RNF222: variants seen among roughly 807,000 people sequenced by gnomAD.
RNF222 encodes the protein RING finger protein LOC643904.
In RNF222, 14 loss-of-function variants were observed where a neutral mutation model predicts 10.8. That is an observed-to-expected ratio of 1.30 (90% CI 0.86 to 2.03). The LOEUF is 2.03. Among genes scored for constraint, RNF222 ranks in the 30% most tolerant of loss-of-function variants. The pLI, the probability that RNF222 is intolerant of heterozygous loss-of-function variation, is 0.00. For synonymous variants in RNF222, 141 were observed against 142.5 expected (o/e 0.99, Z 0.07); for missense variants, 298 against 295.8 (o/e 1.01, Z -0.06).
In RNF222 at chr17:8,392,937, C is replaced by T. The variant is rs745331248; in HGVS notation, c.525G>A (p.Ser175=). The T allele has an allele frequency of 6.7e-5, 102 of 1,528,068 alleles. 1 individual carries two copies. In the Middle Eastern group the frequency reaches 4.7e-3, roughly 70 times the overall value. 94.7% of individuals were successfully genotyped at this position (1,528,068 alleles called of 1,614,324 possible). The part of the protein sequence containing the change: ...VLPRRSLAEL[S]EASLAPRSAR... ...CGGAGCGGGGCGCCAGGGAGGCCTC[C>T]GAGAGCTCTGCCAGGCTGCGGCGGG... Residue 175 remains serine (S), a synonymous_variant, in exon 3 of 3, where the codon TCG becomes TCA. Coordinates refer to ENST00000399398, the MANE Select transcript of RNF222 (RefSeq NM_001146684.3). This position sits in a 1 kb window ranked among gnomAD's most constrained non-coding sequence, Gnocchi z 4.3.
At chr17:8,396,360 G>GT (rs1173012176) in intron 1 of RNF222, among the ~76,000 whole-genome samples, 6 of 152,114 alleles carry the variant, frequency 3.9e-5, no homozygotes, top group African/African-American at 1.4e-4. Flanking sequence ...GGGTGAGTAG[G>GT]TATTAGCCAA....
chr17:8,395,571 C>T (rs1169392798), intron 1 of RNF222, among the ~76,000 whole-genome samples: 3 of 152,276 alleles, frequency 2.0e-5, no homozygotes, highest in East Asian at 3.9e-4. Flanking sequence ...GAGGCAGCCA[C>T]AGCATTTGCC....
intron 1 of RNF222, among the ~76,000 whole-genome samples, chr17:8,395,248 C>CT (rs1254577823): frequency 1.3e-5 from 2 of 152,210 alleles, no homozygotes; most frequent in African/African-American, 4.8e-5. Flanking sequence ...TAGCTTTGGT[C>CT]TTTGAGATGG....
intron 1 of RNF222, among the ~76,000 whole-genome samples, chr17:8,395,940 C>T (rs912387523): frequency 6.6e-6 from 1 of 152,162 alleles, no homozygotes; most frequent in Non-Finnish European, 1.5e-5. Flanking sequence ...AATTATTCGA[C>T]ACATATTTAT....
intron 1 of RNF222, among the ~76,000 whole-genome samples, chr17:8,396,667 G>A (rs1254252204): frequency 1.3e-5 from 2 of 151,940 alleles, no homozygotes; most frequent in Non-Finnish European, 2.9e-5. Flanking sequence ...CCCCCGTCCC[G>A]TGCTTCCGGA....
intron 1 of RNF222, among the ~76,000 whole-genome samples, chr17:8,397,491 C>T (rs1432736990): frequency 6.6e-6 from 1 of 152,192 alleles, no homozygotes; most frequent in African/African-American, 2.4e-5. Context: ...TTCCAGGCAC[C>T]TGGGATTCCC....
rs756924008 is a variant in RNF222, at chr17:8,393,170, G to A, written c.292C>T (p.Pro98Ser). 1.9e-6 allele frequency: 3 copies of A among 1,549,984 alleles called. No homozygotes were observed. Among genetic ancestry groups the A allele is most frequent in the African/African-American group, 2.7e-5 (2 of 73,170 alleles). The change falls in exon 3 of 3, where the codon CCC becomes TCC. Residue 98 changes from proline (P) to serine (S), a missense_variant. By Grantham distance (74) the Pro-to-Ser change is moderately conservative. Coordinates refer to ENST00000399398, the MANE Select transcript of RNF222 (RefSeq NM_001146684.3). ...LAVPVGLPSV[P>S]PLDSLGHTNP... Reference sequence around the variant, plus strand: ...GTGTGGCCCAGGCTGTCCAGTGGGGGCACGGAGGGCAGGCCCACGGGCACA... The same window carrying A: ...GTGTGGCCCAGGCTGTCCAGTGGGGACACGGAGGGCAGGCCCACGGGCACA...
Position 8,393,431 on chromosome 17 carries a change from C to T in RNF222, c.31G>A (p.Gly11Ser). 8 of 1,551,084 alleles carry T rather than the reference C, an allele frequency of 5.2e-6. No homozygotes were observed. Among genetic ancestry groups the T allele is most frequent in the South Asian group, 1.2e-5 (1 of 83,972 alleles). Reference protein sequence around the residue: MSEGESKDSSGSECPVCYEKF... With the variant: MSEGESKDSSSSECPVCYEKF... The stretch of plus-strand genomic sequence containing the variant: ...TCATAGCACACGGGGCACTCACTGC[C>T]CGAGCTGTCCTTGCTCTCCCCTTCT... The change falls in exon 3 of 3, where the codon GGC (glycine) becomes AGC (serine). Residue 11 changes from glycine (G) to serine (S), a missense_variant. By Grantham distance (56) the Gly-to-Ser change is moderately conservative. Transcript: ENST00000399398.
chr17:8,392,885 C>T lies in RNF222; in HGVS notation c.577G>A (p.Ala193Thr). Residue 193 changes from alanine (A) to threonine (T), a missense_variant, in exon 3 of 3, where the codon GCC (alanine) becomes ACC (threonine). Ala to Thr is a moderately conservative substitution (Grantham distance 58). Transcript: ENST00000399398. The surrounding 1 kb of genome is among the most constrained non-coding windows in gnomAD (Gnocchi z 4.3). The stretch of plus-strand genomic sequence containing the variant: ...GCGATGAGCGTGATGAGCAGCAGGG[C>T]CCGCGATCGGCAGCAGAAGGCGCGG... The part of the protein sequence containing the change: ...SARAFCCRSR[A>T]LLLITLIAVV... 1 of 1,533,142 alleles carries T rather than the reference C, an allele frequency of 6.5e-7. No homozygotes were observed. The highest frequency in any genetic ancestry group is 1.2e-5 in the South Asian group (1 of 83,950). 95.0% of individuals were successfully genotyped at this position (1,533,142 alleles called of 1,614,324 possible). A position where few individuals can be genotyped will look rare whatever the true frequency, so the allele number is the denominator to read the frequency against.
intron 1 of RNF222, among the ~76,000 whole-genome samples, chr17:8,395,518 C>T (rs1343329846): frequency 1.3e-5 from 2 of 152,184 alleles, no homozygotes; most frequent in Admixed American, 1.3e-4. Context: ...GTCCTGTCCC[C>T]TCTTCTCCCA....
At position 8,392,848 on chromosome 17, in the gene RNF222, A is replaced by G. The variant is rs2151681906; in HGVS notation, c.614T>C (p.Val205Ala). Residue 205 changes from valine (V) to alanine (A), a missense_variant, in exon 3 of 3, where the codon GTG becomes GCG. Val to Ala is a moderately conservative substitution (Grantham distance 64, BLOSUM62 0). Coordinates refer to ENST00000399398, the MANE Select transcript of RNF222 (RefSeq NM_001146684.3). The surrounding 1 kb of genome is among the most constrained non-coding windows in gnomAD (Gnocchi z 4.3). ...LLITLIAVVA[V>A]VAAILPWVLL... ...CACCCAGGGCAGGATGGCGGCCACC[A>G]CGGCCACCACAGCGATGAGCGTGAT... 1 of 1,533,080 alleles carries G rather than the reference A, an allele frequency of 6.5e-7. No homozygotes were observed. The highest frequency in any genetic ancestry group is 8.7e-7 in the Non-Finnish European group (1 of 1,146,226). 95.0% of individuals were successfully genotyped at this position (1,533,080 alleles called of 1,614,324 possible).
In RNF222 at chr17:8,391,694, A is replaced by G. The variant is rs1907833772; in HGVS notation, c.*1105T>C. 6.6e-6 allele frequency: 1 copy of G among 152,196 alleles called. No homozygotes were observed. The allele number at this position is 152,196 out of a possible 1,614,324, so 9.4% of individuals were successfully genotyped here. ...CCCCGAATGACTCAGGCTAGACCCAACCTGAGGCTCTTCACAGTCCAACGT... is the reference window on the plus strand; with the variant it reads ...CCCCGAATGACTCAGGCTAGACCCAGCCTGAGGCTCTTCACAGTCCAACGT... On this transcript the variant is annotated 3_prime_UTR_variant, in exon 3 of 3. Coordinates refer to ENST00000399398, the MANE Select transcript of RNF222 (RefSeq NM_001146684.3).
In RNF222 at chr17:8,392,804, C is replaced by G; in HGVS notation, c.658G>C (p.Ala220Pro). 2.0e-6 allele frequency: 3 copies of G among 1,532,620 alleles called. No individual in the cohort carries two copies. Among genetic ancestry groups the G allele is most frequent in the Non-Finnish European group, 2.6e-6 (3 of 1,146,182 alleles). 94.9% of individuals were successfully genotyped at this position (1,532,620 alleles called of 1,614,324 possible). ...LPWVLLVRKQ[A>P] ...CGGCCTCCCTGAGGTGCGGCTCACG[C>G]CTGCTTCCTCACCAGCAGCACCCAG... Residue 220 changes from alanine (A) to proline (P), a missense_variant, in exon 3 of 3, where the codon GCG becomes CCG. Coordinates refer to ENST00000399398, the MANE Select transcript of RNF222 (RefSeq NM_001146684.3). The surrounding 1 kb of genome is among the most constrained non-coding windows in gnomAD (Gnocchi z 4.3).
chr17:8,392,628 G>C lies in RNF222; in HGVS notation c.*171C>G. 1 of 764,752 alleles carries C rather than the reference G, an allele frequency of 1.3e-6. No individual in the cohort carries two copies. Among genetic ancestry groups the C allele is most frequent in the Non-Finnish European group, 2.0e-6 (1 of 495,026 alleles). 47.4% of individuals were successfully genotyped at this position (764,752 alleles called of 1,614,324 possible). A position where few individuals can be genotyped will look rare whatever the true frequency, so the allele number is the denominator to read the frequency against. On this transcript the variant is annotated 3_prime_UTR_variant, in exon 3 of 3. Coordinates refer to ENST00000399398, the MANE Select transcript of RNF222 (RefSeq NM_001146684.3). This position sits in a 1 kb window ranked among gnomAD's most constrained non-coding sequence, Gnocchi z 4.3. ...GCATGGAGTCAGCTCCAGCCTCTCT[G>C]TCGAGCGGAAGCCCCTGCGGGGGTC...
chr17:8,397,202 G>A (rs1464650847), intron 1 of RNF222, among the ~76,000 whole-genome samples: 2 of 152,152 alleles, frequency 1.3e-5, no homozygotes, highest in Non-Finnish European at 2.9e-5. Context: ...TTGGTCAAAG[G>A]AATAGAAGAA....
chr17:8,392,786 C>T lies in RNF222; in HGVS notation c.*13G>A. 1 of 1,531,648 alleles carries T rather than the reference C, an allele frequency of 6.5e-7. No individual in the cohort carries two copies. The highest frequency in any genetic ancestry group is 8.7e-7 in the Non-Finnish European group (1 of 1,145,830). The allele number at this position is 1,531,648 out of a possible 1,614,324, so 94.9% of individuals were successfully genotyped here. On this transcript the variant is annotated 3_prime_UTR_variant, in exon 3 of 3. Coordinates refer to ENST00000399398, the MANE Select transcript of RNF222 (RefSeq NM_001146684.3). The surrounding 1 kb of genome is among the most constrained non-coding windows in gnomAD (Gnocchi z 4.3). ...AGGCCACGGCTAGCCCGGCGGCCTC[C>T]CTGAGGTGCGGCTCACGCCTGCTTC...
chr17:8,396,662 G>A (rs890548892), intron 1 of RNF222, among the ~76,000 whole-genome samples: 48 of 151,948 alleles, frequency 3.2e-4, no homozygotes, highest in African/African-American at 1.1e-3. Context: ...TCCTTCCCCC[G>A]TCCCGTGCTT....
chr17:8,394,541 G>T (rs1188173626), intron 1 of RNF222, among the ~76,000 whole-genome samples: 1 of 151,272 alleles, frequency 6.6e-6, no homozygotes, highest in African/African-American at 2.4e-5. Flanking sequence ...GGGTTCAAGA[G>T]ATTCTCCTGT....
At chr17:8,397,045 C>G (rs564619783) in intron 1 of RNF222, among the ~76,000 whole-genome samples, 1 of 152,052 alleles carries the variant, frequency 6.6e-6, no homozygotes, top group Non-Finnish European at 1.5e-5. Context: ...TTTACAACAG[C>G]GACCATTTAT....
Sources: gnomAD v4.1 joint callset for allele counts (sites outside exome capture counted in the v4.1 genomes callset) on GRCh38, gnomAD v4.1.1 for gene constraint, Gnocchi (gnomAD v3.1) non-coding constraint, MANE v1.5 for transcripts, NCBI Gene and HGNC (gene_info 2026-07-23, HGNC 2026-07-21) for gene names.